Variants in CBFA2T2 observed in about 807,000 individuals in gnomAD.
CBFA2T2 encodes the protein protein CBFA2T2.
CBFA2T2 carries 11 observed loss-of-function variants against 62.2 expected under a neutral mutation model. That is an observed-to-expected ratio of 0.18 (90% CI 0.11 to 0.29). The LOEUF (loss-of-function observed/expected upper bound fraction) is 0.29, where lower values mean the gene tolerates loss of function less well. Among genes scored for constraint, CBFA2T2 ranks in the 10% least tolerant of loss-of-function variants. CBFA2T2 has a pLI of 1.00. For synonymous variants in CBFA2T2, 295 were observed against 287.5 expected, an observed-to-expected ratio of 1.03 and a Z score of -0.27; for missense variants, 592 against 774.1, an observed-to-expected ratio of 0.76 and a Z score of 2.79.
chr20:33,495,386 CAAAAA>C (rs1214253879), intron 1 of CBFA2T2, among the ~76,000 whole-genome samples: 1 of 53,374 alleles, frequency 1.9e-5, no homozygotes, highest in Non-Finnish European at 3.9e-5. Flanking sequence ...AACTCTATCT[CAAAAA>C]AAAAAAAAAA....
chr20:33,638,547 GA>G (rs916866124), intron 9 of CBFA2T2, among the ~76,000 whole-genome samples: 129 of 152,292 alleles, frequency 8.5e-4, no homozygotes, highest in African/African-American at 3.0e-3. Context: ...AGAGACTTAT[GA>G]AAAGTTCTTG....
At chr20:33,608,431 G>C (rs1175722687) in intron 2 of CBFA2T2, among the ~76,000 whole-genome samples, 1 of 152,150 alleles carries the variant, frequency 6.6e-6, no homozygotes, top group Non-Finnish European at 1.5e-5. Context: ...TATTTTAAAA[G>C]GCAAGAGAAG....
At position 33,492,463 on chromosome 20, in the gene CBFA2T2, A is replaced by G. The variant is rs925677870; in HGVS notation, c.34+2162A>G. On this transcript the variant is annotated intron_variant, in intron 1 of 10. Coordinates refer to ENST00000342704, the MANE Select transcript of CBFA2T2 (RefSeq NM_001032999.3). ...ATTTCTTTTGTGTAGTATTTAGTTT[A>G]AAATATGCCCAAAAGCACAACTTTT... Among the ~76,000 whole-genome samples, 4 of 147,724 alleles carry G rather than the reference A, an allele frequency of 2.7e-5. 1 individual carries two copies. Among genetic ancestry groups the G allele is most frequent in the Admixed American group, 2.2e-4 (3 of 13,730 alleles).
At chr20:33,573,630 C>T (rs1391523699) in intron 1 of CBFA2T2, among the ~76,000 whole-genome samples, 1 of 151,966 alleles carries the variant, frequency 6.6e-6, no homozygotes, top group Admixed American at 6.6e-5. Context: ...TACAGGCGTG[C>T]ACTACCATGC....
At chr20:33,542,134 G>A (rs1254244645) in intron 1 of CBFA2T2, among the ~76,000 whole-genome samples, 1 of 152,202 alleles carries the variant, frequency 6.6e-6, no homozygotes, top group African/African-American at 2.4e-5. Context: ...ACTTGGTTCT[G>A]ATTTAGGCCT....
chr20:33,644,651 C>T lies in CBFA2T2; in HGVS notation c.*5C>T, dbSNP rs375659469. On this transcript the variant is annotated 3_prime_UTR_variant, in exon 11 of 11. Coordinates refer to ENST00000342704, the MANE Select transcript of CBFA2T2 (RefSeq NM_001032999.3). Reference sequence around the variant, plus strand: ...ATCGACACCAACGGACTCTGAGCCCCGGACTCTGCTTACCCTGATGGCTGC... The same window carrying T: ...ATCGACACCAACGGACTCTGAGCCCTGGACTCTGCTTACCCTGATGGCTGC... 1.6e-4 allele frequency: 248 copies of T among 1,593,598 alleles called. No individual in the cohort carries two copies. Among genetic ancestry groups the T allele is most frequent in the Non-Finnish European group, 1.9e-4 (218 of 1,166,238 alleles).
chr20:33,624,966 C>A lies in CBFA2T2; in HGVS notation c.895C>A (p.Pro299Thr). Reference protein sequence around the residue: ...DIATSHLYREPNKMLEHREVR... With the variant: ...DIATSHLYRETNKMLEHREVR... The stretch of plus-strand genomic sequence containing the variant: ...TGCAACTTCTCACCTGTATCGGGAA[C>A]CCAACAAGATGCTAGAGCATCGAGA... The change falls in exon 6 of 11, where the codon CCC (proline) becomes ACC (threonine). Residue 299 changes from proline to threonine, a missense_variant. By Grantham distance (38) the Pro-to-Thr change is conservative. Transcript: ENST00000342704. 1.2e-6 allele frequency: 2 copies of A among 1,614,150 alleles called. No individual in the cohort carries two copies. Among genetic ancestry groups the A allele is most frequent in the Non-Finnish European group, 1.7e-6 (2 of 1,180,016 alleles).
In CBFA2T2 at chr20:33,611,217, C is replaced by G; in HGVS notation, c.302C>G (p.Thr101Ser). 6.2e-7 allele frequency: 1 copy of G among 1,614,220 alleles called. No individual in the cohort carries two copies. The highest frequency in any genetic ancestry group is 8.5e-7 in the Non-Finnish European group (1 of 1,180,030). ...CTCACAAATCAGCAATTGCCAGCCA[C>G]TTGTGGTGCTCGACAACTCAGCAAG... ...SALTNQQLPA[T>S]CGARQLSKLK... The change falls in exon 3 of 11, where the codon ACT (threonine) becomes AGT (serine). Residue 101 changes from threonine to serine, a missense_variant. Thr to Ser is a moderately conservative substitution (Grantham distance 58). Around this residue, in one of 3 missense-constraint regions of CBFA2T2, gnomAD observed 449 missense variants for 551.2 expected, o/e 0.81. Coordinates refer to ENST00000342704, the MANE Select transcript of CBFA2T2 (RefSeq NM_001032999.3).
intron 1 of CBFA2T2, chr20:33,562,567 A>AT: frequency 1.0e-6 from 1 of 985,884 alleles, no homozygotes; most frequent in Non-Finnish European, 1.2e-6. Context: ...CTGGTCTCCG[A>AT]TTGAGCTTTG....
chr20:33,594,748 TTC>T (rs1257021752), intron 1 of CBFA2T2, among the ~76,000 whole-genome samples: 1 of 152,218 alleles, frequency 6.6e-6, no homozygotes, highest in African/African-American at 2.4e-5. Context: ...ATTCTCTGAG[TTC>T]TCTGACTTTG....
At chr20:33,494,513 C>T (rs2011179479) in intron 1 of CBFA2T2, among the ~76,000 whole-genome samples, 4 of 149,088 alleles carry the variant, frequency 2.7e-5, no homozygotes, top group Non-Finnish European at 4.5e-5. Context: ...GATCTGCTGA[C>T]CTCGTGATCC....
chr20:33,595,906 A>G (rs2014865482), intron 1 of CBFA2T2, among the ~76,000 whole-genome samples: 1 of 152,218 alleles, frequency 6.6e-6, no homozygotes, highest in Non-Finnish European at 1.5e-5. Flanking sequence ...TTTACAAATG[A>G]AGAAACCAAG....
intron 1 of CBFA2T2, among the ~76,000 whole-genome samples, chr20:33,553,400 G>C (rs2012794897): frequency 6.6e-6 from 1 of 152,018 alleles, no homozygotes; most frequent in Admixed American, 6.6e-5. Flanking sequence ...CTAATTTTTT[G>C]TGTGTATTTT....
At chr20:33,496,193 G>A (rs1019866348) in intron 1 of CBFA2T2, among the ~76,000 whole-genome samples, 3 of 152,168 alleles carry the variant, frequency 2.0e-5, no homozygotes, top group Non-Finnish European at 2.9e-5. Context: ...GAGAAGGAAG[G>A]GTGAAGTCTA....
chr20:33,603,276 G>C (rs2015209338), intron 1 of CBFA2T2, among the ~76,000 whole-genome samples: 1 of 152,140 alleles, frequency 6.6e-6, no homozygotes, highest in South Asian at 2.1e-4. Context: ...ACAGAGAACT[G>C]TTTATTACTT....
chr20:33,636,199 C>T (rs2016624714), intron 8 of CBFA2T2, among the ~76,000 whole-genome samples: 1 of 140,094 alleles, frequency 7.1e-6, no homozygotes, highest in African/African-American at 2.7e-5. Flanking sequence ...GCAGAGGTTG[C>T]AGTGAGCCAA....
chr20:33,628,101 T>C (rs1601095312), intron 6 of CBFA2T2, among the ~76,000 whole-genome samples: 1 of 152,270 alleles, frequency 6.6e-6, no homozygotes, highest in Non-Finnish European at 1.5e-5. Flanking sequence ...TACCTGTTTA[T>C]TTCTTTTACC....
Position 33,619,614 on chromosome 20 carries a change from G to C in CBFA2T2, c.510+8G>C. On this transcript the variant is annotated splice_region_variant and intron_variant, in intron 4 of 10. Transcript: ENST00000342704. The stretch of plus-strand genomic sequence containing the variant: ...GTGATTCCATTTCTCAAGGTAATTT[G>C]ATAATTACTGAATATAATTTATCTT... 1 of 1,526,358 alleles carries C rather than the reference G, an allele frequency of 6.6e-7. No individual in the cohort carries two copies. 94.6% of individuals were successfully genotyped at this position (1,526,358 alleles called of 1,614,324 possible).
intron 8 of CBFA2T2, among the ~76,000 whole-genome samples, chr20:33,630,455 T>C (rs1335414629): frequency 1.3e-5 from 2 of 152,150 alleles, no homozygotes; most frequent in Non-Finnish European, 2.9e-5. Context: ...GTGTTTACCT[T>C]ACCTTCCCTC....
Sources: allele counts gnomAD v4.1 joint callset (sites outside exome capture counted in the v4.1 genomes callset), GRCh38; gene constraint gnomAD v4.1.1; regional missense constraint gnomAD v4.1.1; transcripts MANE v1.5; gene names NCBI Gene and HGNC (gene_info 2026-07-23, HGNC 2026-07-21).